Variants in NRK observed in about 807,000 individuals in gnomAD.
The protein encoded by NRK is Nik related kinase, also known as nik-related protein kinase.
Under a neutral mutation model 125.2 loss-of-function variants are expected in NRK, and 67 were observed. The observed-to-expected ratio is 0.54, with a 90% CI of 0.44 to 0.66. The LOEUF (loss-of-function observed/expected upper bound fraction) is 0.66, where lower values mean the gene tolerates loss of function less well. Ranked by LOEUF, NRK falls within the 30% of genes least tolerant of loss-of-function variation. The pLI is 0.00. For missense variants in NRK, 1,224 were observed against 1,192.9 expected (o/e 1.03, Z -0.38); for synonymous variants, 458 against 429.0 (o/e 1.07, Z -0.84).
In NRK at chrX:105,946,338, G is replaced by A; in HGVS notation, c.4227G>A (p.Lys1409=). 1.7e-6 allele frequency: 2 copies of A among 1,203,508 alleles called. No individual in the cohort carries two copies. Among genetic ancestry groups the A allele is most frequent in the South Asian group, 1.8e-5 (1 of 56,137 alleles). ...AGGTATTTCCAACACTTGATCATAA[G>A]CCAGTGACAGTTGACCTGGCTATTG... The part of the protein sequence containing the change: ...KLKVFPTLDH[K]PVTVDLAIGS... The change falls in exon 26 of 29, where the codon AAG becomes AAA. Residue 1409 remains lysine (K), a synonymous_variant. Coordinates refer to ENST00000243300, the MANE Select transcript of NRK (RefSeq NM_198465.4).
In NRK at chrX:105,934,356, A is replaced by G; in HGVS notation, c.3411A>G (p.Ser1137=). 1 of 1,196,550 alleles carries G rather than the reference A, an allele frequency of 8.4e-7. No homozygotes were observed. The highest frequency in any genetic ancestry group is 1.1e-6 in the Non-Finnish European group (1 of 882,257). Residue 1137 remains serine, a synonymous_variant, in exon 20 of 29, where the codon TCA becomes TCG. Transcript: ENST00000243300. ...HESDNKDISE[S]STQSDFSANH... is the part of the protein sequence containing the mutation. ...GTGACAATAAGGACATATCAGAATC[A>G]TCAACACAATCAGATTTTTCTGCCA...
chrX:105,887,305 C>T (rs975392283), intron 4 of NRK, among the ~76,000 whole-genome samples: 6 of 111,708 alleles, frequency 5.4e-5, no homozygotes, highest in Admixed American at 2.9e-4. Flanking sequence ...AAGAACATAT[C>T]GGCAATAGGC....
intron 24 of NRK, 72 bp from the exon 25 acceptor site, chrX:105,945,800 A>G (rs1254698725): frequency 2.1e-6 from 2 of 971,592 alleles, no homozygotes; most frequent in East Asian, 3.1e-5. Flanking sequence ...TGGACTAGAA[A>G]CCATAGGAGC....
At position 105,935,195 on chromosome X, in the gene NRK, T is replaced by C; in HGVS notation, c.3525T>C (p.Pro1175=). The C allele has an allele frequency of 8.3e-7, 1 of 1,199,296 alleles. No individual in the cohort carries two copies. The highest frequency in any genetic ancestry group is 1.1e-6 in the Non-Finnish European group (1 of 884,599). ...TATACGCTGGATTCGTAGAAGTACC[T>C]GAGGAATCACCTAAGCAACCCTCTG... is the stretch of plus-strand genomic sequence containing the variant. ...AILYAGFVEV[P]EESPKQPSEV... is the part of the protein sequence containing the mutation. The change falls in exon 21 of 29, where the codon CCT becomes CCC. Residue 1175 remains proline (P), a synonymous_variant. Coordinates refer to ENST00000243300, the MANE Select transcript of NRK (RefSeq NM_198465.4).
chrX:105,954,146 G>A (rs1341648378), intron 28 of NRK, among the ~76,000 whole-genome samples: 1 of 111,510 alleles, frequency 9.0e-6, no homozygotes, highest in East Asian at 2.8e-4. Context: ...AGTCATATCT[G>A]TAAGCATCTC....
chrX:105,910,452 C>G (rs1341225476), intron 13 of NRK, among the ~76,000 whole-genome samples: 1 of 112,045 alleles, frequency 8.9e-6, no homozygotes, highest in Non-Finnish European at 1.9e-5. Context: ...ATTTGCTGCC[C>G]GTTTTACATA....
At chrX:105,946,854 C>T (rs2040819655) in intron 26 of NRK, among the ~76,000 whole-genome samples, 1 of 111,709 alleles carries the variant, frequency 9.0e-6, no homozygotes, top group African/African-American at 3.2e-5. Context: ...GGGATATGTG[C>T]TCTACATTCT....
chrX:105,892,208 A>G (rs987307869), intron 5 of NRK, among the ~76,000 whole-genome samples: 4 of 112,110 alleles, frequency 3.6e-5, no homozygotes, highest in African/African-American at 1.3e-4. Context: ...TAAATGTATA[A>G]TTGGTCAGAA....
chrX:105,863,357 C>CACACACACATAT (rs372176349), intron 2 of NRK, among the ~76,000 whole-genome samples: 2 of 106,493 alleles, frequency 1.9e-5, no homozygotes, highest in African/African-American at 6.9e-5. Flanking sequence ...CACACACACA[C>CACACACACATAT]ATACTATTTT....
intron 2 of NRK, among the ~76,000 whole-genome samples, chrX:105,854,743 T>C (rs2039512820): frequency 8.9e-6 from 1 of 111,884 alleles, no homozygotes; most frequent in East Asian, 2.8e-4. Context: ...CCTTTTATTC[T>C]TATTTGAAAT....
In NRK at chrX:105,946,277, TTTTGGCCTTTTGGCCATA is replaced by T; in HGVS notation, c.4204-32_4204-15del. 1 of 1,124,738 alleles carries T rather than the reference TTTTGGCCTTTTGGCCATA, an allele frequency of 8.9e-7. No individual in the cohort carries two copies. The highest frequency in any genetic ancestry group is 1.2e-6 in the Non-Finnish European group (1 of 833,820). 92.7% of individuals were successfully genotyped at this position (1,124,738 alleles called of 1,213,427 possible). On this transcript the variant is annotated intron_variant, in intron 25 of 28. Coordinates refer to ENST00000243300, the MANE Select transcript of NRK (RefSeq NM_198465.4). Reference sequence around the variant, plus strand: ...ATTTTTGCCTTAGTTAGAATGTCATTTTTGGCCTTTTGGCCATATTTGGTTTTATATTCACAGGTATTT... The same window carrying T: ...ATTTTTGCCTTAGTTAGAATGTCATTTTTGGTTTTATATTCACAGGTATTT...
At position 105,946,428 on chromosome X, in the gene NRK, A is replaced by T; in HGVS notation, c.4317A>T (p.Glu1439Asp). 8.4e-7 allele frequency: 1 copy of T among 1,196,874 alleles called. No homozygotes were observed. Among genetic ancestry groups the T allele is most frequent in the South Asian group, 1.8e-5 (1 of 55,733 alleles). ...SADGYHLIDA[E>D]SEVMSDVTLP... ...ATGGATATCACCTCATCGATGCAGA[A>T]TCTGAGGTTATGTCTGATGTGACCC... The change falls in exon 26 of 29, where the codon GAA becomes GAT. Residue 1439 changes from glutamate to aspartate, a missense_variant. By Grantham distance (45) the Glu-to-Asp change is conservative. Coordinates refer to ENST00000243300, the MANE Select transcript of NRK (RefSeq NM_198465.4).
At chrX:105,843,995 G>C (rs1051189938) in intron 2 of NRK, among the ~76,000 whole-genome samples, 36 of 88,120 alleles carry the variant, frequency 4.1e-4, no homozygotes, top group African/African-American at 1.8e-3. Flanking sequence ...GTGTGTGTGT[G>C]TGTGTGTGTG....
intron 2 of NRK, among the ~76,000 whole-genome samples, chrX:105,851,277 G>A (rs1409632624): frequency 6.2e-5 from 7 of 112,557 alleles, no homozygotes; most frequent in Middle Eastern, 4.6e-3. Flanking sequence ...GGGAACCACT[G>A]CTTAGTTGAA....
At chrX:105,823,579 T>G (rs2039053537) in intron 1 of NRK, among the ~76,000 whole-genome samples, 1 of 110,594 alleles carries the variant, frequency 9.0e-6, no homozygotes, top group Non-Finnish European at 1.9e-5. Context: ...CCAACCAGAT[T>G]TAGCTTTTTC....
intron 2 of NRK, among the ~76,000 whole-genome samples, chrX:105,861,927 G>A (rs2039606860): frequency 9.0e-6 from 1 of 111,100 alleles, no homozygotes; most frequent in Non-Finnish European, 1.9e-5. Context: ...GCCGGGCGTG[G>A]TGGCACGCGC....
intron 2 of NRK, among the ~76,000 whole-genome samples, chrX:105,867,196 C>T (rs1369277366): frequency 4.5e-5 from 5 of 111,398 alleles, no homozygotes; most frequent in Admixed American, 9.6e-5. Flanking sequence ...GCTAAATAAA[C>T]GAAGCATAAC....
chrX:105,846,781 A>G (rs1246684901), intron 2 of NRK, among the ~76,000 whole-genome samples: 2 of 111,837 alleles, frequency 1.8e-5, no homozygotes, highest in East Asian at 5.7e-4. Flanking sequence ...GAGGGAGACT[A>G]TTTGCTGTAA....
chrX:105,889,893 G>T (rs2039995631), intron 5 of NRK, among the ~76,000 whole-genome samples: 1 of 112,182 alleles, frequency 8.9e-6, no homozygotes, highest in Admixed American at 9.4e-5. Context: ...AGGGGCTGCT[G>T]TGAAGATCTC....
Sources: allele counts gnomAD v4.1 joint callset (sites outside exome capture counted in the v4.1 genomes callset), GRCh38; gene constraint gnomAD v4.1.1; transcripts MANE v1.5; gene names NCBI Gene and HGNC (gene_info 2026-07-23, HGNC 2026-07-21).